Variants in TMEM135 observed in about 807,000 individuals in gnomAD.
TMEM135 encodes the protein transmembrane protein 135, also known as peroxisomal membrane protein 52.
TMEM135 carries 30 observed loss-of-function variants against 60.3 expected under a neutral mutation model. That is an observed-to-expected ratio of 0.50 (90% confidence interval 0.37 to 0.68). The LOEUF (loss-of-function observed/expected upper bound fraction) is 0.68, where lower values mean the gene tolerates loss of function less well. Ranked by LOEUF, TMEM135 falls within the 30% of genes least tolerant of loss-of-function variation. The pLI is 0.00. For missense variants in TMEM135, 468 were observed against 548.8 expected (o/e 0.85, Z 1.47); for synonymous variants, 190 against 186.7 (o/e 1.02, Z -0.14).
intron 5 of TMEM135, among the ~76,000 whole-genome samples, chr11:87,202,174 C>T (rs907296440): frequency 6.6e-6 from 1 of 152,108 alleles, no homozygotes; most frequent in East Asian, 1.9e-4. Context: ...TACAGGAGTG[C>T]ACCACCACTC....
chr11:87,293,410 A>AAT (rs1942299717), intron 6 of TMEM135, among the ~76,000 whole-genome samples: 2 of 151,986 alleles, frequency 1.3e-5, no homozygotes, highest in South Asian at 2.1e-4. Flanking sequence ...ACAACAAAAA[A>AAT]CGAGATACAT....
At chr11:87,250,849 A>G (rs554080116) in intron 6 of TMEM135, among the ~76,000 whole-genome samples, 1 of 152,340 alleles carries the variant, frequency 6.6e-6, no homozygotes, top group East Asian at 1.9e-4. Context: ...GATTACTTGC[A>G]GCAATGCAGA....
intron 3 of TMEM135, among the ~76,000 whole-genome samples, chr11:87,073,313 G>A (rs560024006): frequency 6.6e-6 from 1 of 152,258 alleles, no homozygotes; most frequent in East Asian, 1.9e-4. Flanking sequence ...GATTAGAGGT[G>A]TGAGCCATCG....
intron 1 of TMEM135, among the ~76,000 whole-genome samples, chr11:87,058,250 C>A (rs187150341): frequency 6.6e-5 from 10 of 152,214 alleles, no homozygotes; most frequent in Non-Finnish European, 1.2e-4. Context: ...CATTCCTTGG[C>A]CCAGTTAGAT....
chr11:87,056,255 A>G (rs1278318708), intron 1 of TMEM135, among the ~76,000 whole-genome samples: 3 of 152,164 alleles, frequency 2.0e-5, no homozygotes, highest in Non-Finnish European at 4.4e-5. Context: ...TCCAGAGGCT[A>G]GGAATGCCTA....
rs567004750 is a variant in TMEM135 at position 87,045,178 on chromosome 11, T to C, written c.141+6992T>C. The stretch of plus-strand genomic sequence containing the variant: ...TCGAGTAGCTTGGACTACAGGTGCC[T>C]GCCACCACGCCCAGCTAATTTTTTT... On this transcript the variant is annotated intron_variant, in intron 1 of 14. Transcript: ENST00000305494. Among the ~76,000 whole-genome samples the C allele has an allele frequency of 1.9e-3, 291 of 151,112 alleles. 1 individual carries two copies. Among genetic ancestry groups the C allele is most frequent in the Middle Eastern group, 0.014 (4 of 282 alleles).
In TMEM135 at chr11:87,324,347, T is replaced by A. The variant is rs1380865120; in HGVS notation, c.*3014T>A. On this transcript the variant is annotated 3_prime_UTR_variant, in exon 15 of 15. Coordinates refer to ENST00000305494, the MANE Select transcript of TMEM135 (RefSeq NM_022918.4). ...TGTGGGACTGAAGGGAACTGACCAC[T>A]GGAGCAATGGCCCAAATGTTGTTTT... is the stretch of plus-strand genomic sequence containing the variant. 1 of 454,068 alleles carries A rather than the reference T, an allele frequency of 2.2e-6. No homozygotes were observed. The allele number at this position is 454,068 out of a possible 1,614,324, so 28.1% of individuals were successfully genotyped here. A position where few individuals can be genotyped will look rare whatever the true frequency, so the allele number is the denominator to read the frequency against.
chr11:87,044,088 G>C (rs1052676609), intron 1 of TMEM135, among the ~76,000 whole-genome samples: 2 of 152,094 alleles, frequency 1.3e-5, no homozygotes, highest in Non-Finnish European at 2.9e-5. Context: ...CTCTTCAGTG[G>C]ATGAACATGT....
Position 87,122,982 on chromosome 11 carries a change from C to G in TMEM135, c.396+31587C>G, listed in dbSNP as rs188803376. On this transcript the variant is annotated intron_variant, in intron 4 of 14. Coordinates refer to ENST00000305494, the MANE Select transcript of TMEM135 (RefSeq NM_022918.4). ...TGGGTCATATGGTCCCCTGTGGCAA[C>G]TATTTAACTTTGCCAGCGTAGAATG... is the stretch of plus-strand genomic sequence containing the variant. 2.6e-3 allele frequency among the ~76,000 whole-genome samples: 391 copies of G among 152,304 alleles called. 2 individuals are homozygous for G. The highest frequency in any genetic ancestry group is 4.4e-3 in the Non-Finnish European group (297 of 68,024).
chr11:87,195,264 G>C (rs1939907094), intron 5 of TMEM135, among the ~76,000 whole-genome samples: 1 of 151,376 alleles, frequency 6.6e-6, no homozygotes, highest in South Asian at 2.1e-4. Context: ...TGACAAGAAT[G>C]ATGAATTTTA....
chr11:87,163,142 T>G (rs1284364259), intron 5 of TMEM135, among the ~76,000 whole-genome samples: 2 of 149,068 alleles, frequency 1.3e-5, no homozygotes, highest in Non-Finnish European at 3.0e-5. Flanking sequence ...ACCCACTAAC[T>G]CCTCATCTAG....
At chr11:87,053,608 C>T (rs1049140628) in intron 1 of TMEM135, among the ~76,000 whole-genome samples, 1 of 151,888 alleles carries the variant, frequency 6.6e-6, no homozygotes, top group East Asian at 1.9e-4. Context: ...ATTACAGTTA[C>T]TTCCCTTACT....
intron 4 of TMEM135, among the ~76,000 whole-genome samples, chr11:87,140,094 G>A (rs990320651): frequency 4.6e-5 from 7 of 151,840 alleles, no homozygotes; most frequent in Admixed American, 4.6e-4. Context: ...TTGAGATGGA[G>A]CCTCACTCTG....
chr11:87,159,033 TA>T (rs1317375096), intron 5 of TMEM135, among the ~76,000 whole-genome samples: 1 of 152,222 alleles, frequency 6.6e-6, no homozygotes, highest in African/African-American at 2.4e-5. Context: ...AGCACAGCTG[TA>T]TAAGTAATCA....
chr11:87,092,756 G>A (rs2445564), intron 4 of TMEM135, among the ~76,000 whole-genome samples: 103,861 of 151,636 alleles, frequency 0.68, 37,086 homozygotes, highest in East Asian at 0.88. Context: ...TAGATTGACA[G>A]TGATTTAAAG....
At chr11:87,283,551 A>G (rs1320453377) in intron 6 of TMEM135, among the ~76,000 whole-genome samples, 1 of 152,076 alleles carries the variant, frequency 6.6e-6, no homozygotes, top group African/African-American at 2.4e-5. Flanking sequence ...ATATATGCCA[A>G]TATGCATTTG....
chr11:87,099,847 T>C (rs1857415828), intron 4 of TMEM135, among the ~76,000 whole-genome samples: 1 of 152,044 alleles, frequency 6.6e-6, no homozygotes, highest in African/African-American at 2.4e-5. Flanking sequence ...CATGCCTGGC[T>C]AATTTTTGTA....
chr11:87,145,015 A>AGG (rs1938375372), intron 4 of TMEM135, among the ~76,000 whole-genome samples: 2 of 152,208 alleles, frequency 1.3e-5, no homozygotes, highest in South Asian at 4.1e-4. Context: ...TCTATTATCA[A>AGG]CTGTATTCAC....
intron 3 of TMEM135, 109 bp from the exon 4 acceptor site, chr11:87,091,253 G>A (rs1442312302): frequency 3.0e-6 from 3 of 991,632 alleles, no homozygotes; most frequent in African/African-American, 3.3e-5. Context: ...ATACCAGTAC[G>A]TTTCTCAATT....
Sources: allele counts gnomAD v4.1 joint callset (sites outside exome capture counted in the v4.1 genomes callset), GRCh38; gene constraint gnomAD v4.1.1; transcripts MANE v1.5; gene names NCBI Gene and HGNC (gene_info 2026-07-23, HGNC 2026-07-21).